FOXK1: variants seen among roughly 807,000 people sequenced by gnomAD.
The protein encoded by FOXK1 is forkhead box protein K1.
Under a neutral mutation model 51.9 loss-of-function variants are expected in FOXK1, and 19 were observed. The ratio of observed to expected loss-of-function variants is 0.37; its 90% CI spans 0.26 to 0.54. The LOEUF (loss-of-function observed/expected upper bound fraction) is 0.54. Ranked by LOEUF, FOXK1 falls within the 20% of genes least tolerant of loss-of-function variation. The pLI is 0.87. For missense variants in FOXK1, 870 were observed against 1,032.7 expected (o/e 0.84, Z 2.16); for synonymous variants, 537 against 482.6 (o/e 1.11, Z -1.48).
At position 4,761,271 on chromosome 7, in the gene FOXK1, T is replaced by C; in HGVS notation, c.1904T>C (p.Leu635Ser). Reference protein sequence around the residue: ...NGKHAVPTNSLAGNAYALTSP... With the variant: ...NGKHAVPTNSSAGNAYALTSP... Reference sequence around the variant, plus strand: ...AAGCATGCGGTTCCCACGAACAGTTTAGCCGGCAACGCTTACGGTGAGGCC... The same window carrying C: ...AAGCATGCGGTTCCCACGAACAGTTCAGCCGGCAACGCTTACGGTGAGGCC... The change falls in exon 8 of 9, where the codon TTA becomes TCA. Residue 635 changes from leucine (L) to serine (S), a missense_variant. Around this residue, in one of 3 missense-constraint regions of FOXK1, gnomAD observed 457 missense variants for 510.8 expected, o/e 0.89. Coordinates refer to ENST00000328914, the MANE Select transcript of FOXK1 (RefSeq NM_001037165.2). The surrounding 1 kb of genome is among the most constrained non-coding windows in gnomAD (Gnocchi z 6.2). 7 of 1,612,750 alleles carry C rather than the reference T, an allele frequency of 4.3e-6. No individual in the cohort carries two copies. The highest frequency in any genetic ancestry group is 5.9e-6 in the Non-Finnish European group (7 of 1,180,024).
rs1227152205 is a variant in FOXK1 at position 4,754,474 on chromosome 7, C to T, written c.762C>T (p.Cys254=). The T allele has an allele frequency of 1.2e-6, 2 of 1,613,074 alleles. No homozygotes were observed. The highest frequency in any genetic ancestry group is 1.7e-6 in the Non-Finnish European group (2 of 1,180,002). Reference sequence around the variant, plus strand: ...CTCTCCTCAGTGTCCCCAACTCCTGCCCAGCCAGTCCACGCGGTGCCGGCT... The same window carrying T: ...CTCTCCTCAGTGTCCCCAACTCCTGTCCAGCCAGTCCACGCGGTGCCGGCT... ...PTGTISVPNS[C]PASPRGAGSS... The change falls in exon 3 of 9, where the codon TGC becomes TGT. Residue 254 remains cysteine (C), a synonymous_variant. Transcript: ENST00000328914.
chr7:4,713,746 G>A lies in FOXK1; in HGVS notation c.561-27092G>A, dbSNP rs546154411. Among the ~76,000 whole-genome samples the A allele has an allele frequency of 5.3e-5, 8 of 151,930 alleles. No individual in the cohort carries two copies. The East Asian group carries it at 5.8e-4, about 11-fold the overall frequency. ...ACCTCGTGATCTGCCCGCCTTGGCC[G>A]CTCAAAGTGTTGGGATTACAGGCGT... On this transcript the variant is annotated intron_variant, in intron 1 of 8. Coordinates refer to ENST00000328914, the MANE Select transcript of FOXK1 (RefSeq NM_001037165.2).
rs1405620601 is a variant in FOXK1, at chr7:4,762,020, C to A, written c.1922-164C>A. Among the ~76,000 whole-genome samples, 2 of 152,060 alleles carry A rather than the reference C, an allele frequency of 1.3e-5. No individual in the cohort carries two copies. Among genetic ancestry groups the A allele is most frequent in the African/African-American group, 2.4e-5 (1 of 41,414 alleles). On this transcript the variant is annotated intron_variant, in intron 8 of 8. Coordinates refer to ENST00000328914, the MANE Select transcript of FOXK1 (RefSeq NM_001037165.2). This position sits in a 1 kb window ranked among gnomAD's most constrained non-coding sequence, Gnocchi z 5.7. ...CAGGGCAGATGAGGTGGGGAGGGGA[C>A]GGCAGGGCCCGCAGGGAGCAGAGCA...
In FOXK1 at chr7:4,723,233, C is replaced by T. The variant is rs1345963133; in HGVS notation, c.561-17605C>T. On this transcript the variant is annotated intron_variant, in intron 1 of 8. Transcript: ENST00000328914. This position sits in a 1 kb window ranked among gnomAD's most constrained non-coding sequence, Gnocchi z 4.7. ...CATGGCGGCTTGCACGTTGCACGTC[C>T]CCCGGCTCAGCACCGAGCAAGTGGG... Among the ~76,000 whole-genome samples, 3 of 152,090 alleles carry T rather than the reference C, an allele frequency of 2.0e-5. No homozygotes were observed. In the East Asian group the frequency reaches 5.8e-4, roughly 30 times the overall value.
Position 4,762,079 on chromosome 7 carries a change from A to T in FOXK1, c.1922-105A>T. 7.4e-7 allele frequency: 1 copy of T among 1,355,548 alleles called. No homozygotes were observed. Among genetic ancestry groups the T allele is most frequent in the Non-Finnish European group, 1.0e-6 (1 of 1,001,772 alleles). The allele number at this position is 1,355,548 out of a possible 1,614,324, so 84.0% of individuals were successfully genotyped here. On this transcript the variant is annotated intron_variant, in intron 8 of 8. Coordinates refer to ENST00000328914, the MANE Select transcript of FOXK1 (RefSeq NM_001037165.2). This position sits in a 1 kb window ranked among gnomAD's most constrained non-coding sequence, Gnocchi z 5.7. Reference sequence around the variant, plus strand: ...CGTCCTGCCTGGCAGGGGTGCACTGACCTCCGGTTCCGGCTTGGTGGCTTA... The same window carrying T: ...CGTCCTGCCTGGCAGGGGTGCACTGTCCTCCGGTTCCGGCTTGGTGGCTTA...
intron 1 of FOXK1, among the ~76,000 whole-genome samples, chr7:4,728,743 A>AG (rs1780412651): frequency 6.6e-6 from 1 of 151,100 alleles, no homozygotes; most frequent in Non-Finnish European, 1.5e-5. Flanking sequence ...AAAAAAAAAA[A>AG]AAAAAAAAGA....
intron 1 of FOXK1, among the ~76,000 whole-genome samples, chr7:4,704,276 C>T (rs558993704): frequency 3.0e-4 from 46 of 151,746 alleles, no homozygotes; most frequent in Admixed American, 1.1e-3. Context: ...TGTGGTAAAA[C>T]CTCGTTTCTA....
chr7:4,724,678 A>C (rs1780356316), intron 1 of FOXK1, among the ~76,000 whole-genome samples: 2 of 152,380 alleles, frequency 1.3e-5, no homozygotes, highest in Admixed American at 6.5e-5. Context: ...CTCAGCAGAC[A>C]GCCAGGCTGC....
rs1780431172 is a variant in FOXK1 at position 4,730,109 on chromosome 7, T to G, written c.561-10729T>G. On this transcript the variant is annotated intron_variant, in intron 1 of 8. Transcript: ENST00000328914. The surrounding 1 kb of genome is among the most constrained non-coding windows in gnomAD (Gnocchi z 4.7). ...ATGGGCTTGAGTATCTCGCTGTCTTTTCTTTTTCCAAATAGGACATGCTTA... is the reference window on the plus strand; with the variant it reads ...ATGGGCTTGAGTATCTCGCTGTCTTGTCTTTTTCCAAATAGGACATGCTTA... 6.6e-6 allele frequency among the ~76,000 whole-genome samples: 1 copy of G among 152,236 alleles called. No individual in the cohort carries two copies. Among genetic ancestry groups the G allele is most frequent in the Non-Finnish European group, 1.5e-5 (1 of 68,038 alleles).
In FOXK1 at chr7:4,683,971, C is replaced by A. The variant is rs1051423732; in HGVS notation, c.560+1103C>A. Reference sequence around the variant, plus strand: ...CGGGACCCCAAGATCAAATTAGATTCCCCCGGGCCCGAGGTCACCAGGGCA... The same window carrying A: ...CGGGACCCCAAGATCAAATTAGATTACCCCGGGCCCGAGGTCACCAGGGCA... On this transcript the variant is annotated intron_variant, in intron 1 of 8. Coordinates refer to ENST00000328914, the MANE Select transcript of FOXK1 (RefSeq NM_001037165.2). This position sits in a 1 kb window ranked among gnomAD's most constrained non-coding sequence, Gnocchi z 4.5. Among the ~76,000 whole-genome samples the A allele has an allele frequency of 6.6e-6, 1 of 152,144 alleles. No homozygotes were observed. Among genetic ancestry groups the A allele is most frequent in the Non-Finnish European group, 1.5e-5 (1 of 68,032 alleles).
chr7:4,761,277 G>A lies in FOXK1; in HGVS notation c.1910G>A (p.Gly637Asp), dbSNP rs770509587. The part of the protein sequence containing the change: ...KHAVPTNSLA[G>D]NAYALTSPLQ... ...GCGGTTCCCACGAACAGTTTAGCCG[G>A]CAACGCTTACGGTGAGGCCCTGGCC... The change falls in exon 8 of 9, where the codon GGC becomes GAC. Residue 637 changes from glycine (G) to aspartate (D), a missense_variant. Gly to Asp is a moderately conservative substitution (Grantham distance 94, BLOSUM62 -1). Coordinates refer to ENST00000328914, the MANE Select transcript of FOXK1 (RefSeq NM_001037165.2). The surrounding 1 kb of genome is among the most constrained non-coding windows in gnomAD (Gnocchi z 6.2). 1 of 1,612,146 alleles carries A rather than the reference G, an allele frequency of 6.2e-7. No homozygotes were observed. The highest frequency in any genetic ancestry group is 1.1e-5 in the South Asian group (1 of 91,056).
Position 4,764,628 on chromosome 7 carries a change from C to G in FOXK1, c.*2164C>G, listed in dbSNP as rs924371376. On this transcript the variant is annotated 3_prime_UTR_variant, in exon 9 of 9. Coordinates refer to ENST00000328914, the MANE Select transcript of FOXK1 (RefSeq NM_001037165.2). ...CTGTGTGGCCTGAGCCGGCGCCCTC[C>G]CGGGAGCGCCCGTCACGGGGGGCCT... 6.5e-6 allele frequency: 1 copy of G among 152,854 alleles called. No individual in the cohort carries two copies. Among genetic ancestry groups the G allele is most frequent in the Non-Finnish European group, 1.5e-5 (1 of 68,660 alleles). 9.5% of individuals were successfully genotyped at this position (152,854 alleles called of 1,614,324 possible).
chr7:4,749,720 C>G lies in FOXK1; in HGVS notation c.747-4739C>G, dbSNP rs1375451539. 6.6e-6 allele frequency among the ~76,000 whole-genome samples: 1 copy of G among 152,214 alleles called. No homozygotes were observed. The highest frequency in any genetic ancestry group is 6.5e-5 in the Admixed American group (1 of 15,278). On this transcript the variant is annotated intron_variant, in intron 2 of 8. Transcript: ENST00000328914. This position sits in a 1 kb window ranked among gnomAD's most constrained non-coding sequence, Gnocchi z 6.0. ...CAGGGTGGCCTTCTCAGCCTCAGAG[C>G]AGAGCCAAGGGCATTGAGGGTGGAC... is the stretch of plus-strand genomic sequence containing the variant.
Position 4,755,098 on chromosome 7 carries a change from G to C in FOXK1, c.904-139G>C. 1 of 1,058,296 alleles carries C rather than the reference G, an allele frequency of 9.4e-7. No individual in the cohort carries two copies. Among genetic ancestry groups the C allele is most frequent in the East Asian group, 2.6e-5 (1 of 38,342 alleles). The allele number at this position is 1,058,296 out of a possible 1,614,324, so 65.6% of individuals were successfully genotyped here. A position where few individuals can be genotyped will look rare whatever the true frequency, so the allele number is the denominator to read the frequency against. On this transcript the variant is annotated intron_variant, in intron 3 of 8. Coordinates refer to ENST00000328914, the MANE Select transcript of FOXK1 (RefSeq NM_001037165.2). This position sits in a 1 kb window ranked among gnomAD's most constrained non-coding sequence, Gnocchi z 6.6. ...TGAATGCAAGCACATTAATGGGATAGTTGGAGGGCACTGGGACGGGTGCCG... is the reference window on the plus strand; with the variant it reads ...TGAATGCAAGCACATTAATGGGATACTTGGAGGGCACTGGGACGGGTGCCG...
intron 1 of FOXK1, among the ~76,000 whole-genome samples, chr7:4,736,517 A>G (rs1004301002): frequency 2.0e-5 from 3 of 151,614 alleles, no homozygotes; most frequent in Non-Finnish European, 2.9e-5. Context: ...GGTTCAAGCA[A>G]TTCTCCTGCC....
intron 1 of FOXK1, among the ~76,000 whole-genome samples, chr7:4,732,935 G>A (rs1040545178): frequency 2.6e-5 from 4 of 152,144 alleles, no homozygotes; most frequent in Non-Finnish European, 5.9e-5. Context: ...ATCTCTGGAC[G>A]CTGACCCAAC....
rs1470453526 is a variant in FOXK1 at position 4,715,771 on chromosome 7, A to G, written c.561-25067A>G. 6.6e-6 allele frequency among the ~76,000 whole-genome samples: 1 copy of G among 152,170 alleles called. No individual in the cohort carries two copies. The highest frequency in any genetic ancestry group is 2.4e-5 in the African/African-American group (1 of 41,432). On this transcript the variant is annotated intron_variant, in intron 1 of 8. Coordinates refer to ENST00000328914, the MANE Select transcript of FOXK1 (RefSeq NM_001037165.2). This position sits in a 1 kb window ranked among gnomAD's most constrained non-coding sequence, Gnocchi z 4.5. ...GCACCCTGAGGTTCCCTCACAGCGA[A>G]TCCACCGAAGAGCGCTCCCATCCAC...
intron 2 of FOXK1, among the ~76,000 whole-genome samples, chr7:4,751,334 C>T (rs1320188131): frequency 3.3e-5 from 5 of 152,200 alleles, no homozygotes; most frequent in Non-Finnish European, 5.9e-5. Flanking sequence ...CGTGAGCCAC[C>T]GTGCCCGGCC....
At chr7:4,684,069 C>T (rs1255289345) in intron 1 of FOXK1, among the ~76,000 whole-genome samples, 1 of 152,282 alleles carries the variant, frequency 6.6e-6, no homozygotes, top group African/African-American at 2.4e-5. Context: ...GGTCACCTCC[C>T]GCCCATTCCG....
Sources: gnomAD v4.1 joint callset for allele counts (sites outside exome capture counted in the v4.1 genomes callset) on GRCh38, gnomAD v4.1.1 for gene constraint, gnomAD v4.1.1 regional missense constraint, Gnocchi (gnomAD v3.1) non-coding constraint, MANE v1.5 for transcripts, NCBI Gene and HGNC (gene_info 2026-07-23, HGNC 2026-07-21) for gene names.